The following TMEM87A variants were observed in gnomAD, a reference collection of about 807,000 sequenced individuals.
TMEM87A encodes the protein transmembrane protein 87A, also known as Golgi-pH regulating cation channel.
Under a neutral mutation model 90.0 loss-of-function variants are expected in TMEM87A, and 50 were observed. That is an observed-to-expected ratio of 0.56 (90% CI 0.44 to 0.70). TMEM87A has a LOEUF of 0.70. TMEM87A is among the 30% of genes least tolerant of loss of function. TMEM87A has a pLI of 0.00. For missense variants in TMEM87A, 577 were observed against 660.5 expected (o/e 0.87, Z 1.39); for synonymous variants, 226 against 226.7 (o/e 1.00, Z 0.03).
intron 14 of TMEM87A, 95 bp from the exon 15 acceptor site, chr15:42,227,004 C>G: frequency 8.2e-7 from 1 of 1,213,992 alleles, no homozygotes; most frequent in Non-Finnish European, 1.2e-6. Context: ...CTTATTTGTT[C>G]ATTCAAGTTA....
At chr15:42,269,486 T>C (rs192526326) in intron 2 of TMEM87A, among the ~76,000 whole-genome samples, 1 of 152,282 alleles carries the variant, frequency 6.6e-6, no homozygotes, top group Non-Finnish European at 1.5e-5. Flanking sequence ...AATTGGGCTA[T>C]GAACTATTCA....
intron 6 of TMEM87A, chr15:42,258,558 CTTGG>C: frequency 2.7e-6 from 1 of 375,402 alleles, no homozygotes; most frequent in Non-Finnish European, 3.8e-6. Flanking sequence ...TCCTGAGTAG[CTTGG>C]ATTACAGGTG....
chr15:42,237,562 T>C lies in TMEM87A; in HGVS notation c.738A>G (p.Ala246=). 3 of 1,613,984 alleles carry C rather than the reference T, an allele frequency of 1.9e-6. No homozygotes were observed. Among genetic ancestry groups the C allele is most frequent in the Non-Finnish European group, 2.5e-6 (3 of 1,179,984 alleles). The stretch of plus-strand genomic sequence containing the variant: ...GATCTCTCCAGTAGCAGGCAGACCA[T>C]GCCAGCCACAGAACACCAAACAGGA... ...VYVLFGVLWL[A]WSACYWRDLL... Residue 246 remains alanine (A), a synonymous_variant, in exon 9 of 20, where the codon GCA becomes GCG. Coordinates refer to ENST00000389834, the MANE Select transcript of TMEM87A (RefSeq NM_015497.5).
chr15:42,237,663 G>A lies in TMEM87A; in HGVS notation c.685-48C>T, dbSNP rs774817474. The A allele has an allele frequency of 4.2e-6, 6 of 1,415,672 alleles. No individual in the cohort carries two copies. The East Asian group carries it at 1.6e-4, about 37-fold the overall frequency. 87.7% of individuals were successfully genotyped at this position (1,415,672 alleles called of 1,614,324 possible). The stretch of plus-strand genomic sequence containing the variant: ...ATAAAAAGGAGAATTAGGGCCAAGA[G>A]CCAAGTCTGTAGATTTAGAATCAAT... On this transcript the variant is annotated intron_variant, in intron 8 of 19. Transcript: ENST00000389834.
intron 16 of TMEM87A, 103 bp downstream of exon 16, chr15:42,219,959 T>C (rs958291330): frequency 2.3e-5 from 26 of 1,127,910 alleles, no homozygotes; most frequent in Non-Finnish European, 3.1e-5. Flanking sequence ...CCTGACTTCA[T>C]CCCACACCAA....
intron 4 of TMEM87A, among the ~76,000 whole-genome samples, chr15:42,263,469 G>A (rs1034537051): frequency 6.6e-6 from 1 of 152,176 alleles, no homozygotes; most frequent in Non-Finnish European, 1.5e-5. Context: ...ATGGGGCTCA[G>A]CCCGGTGGCT....
intron 19 of TMEM87A, among the ~76,000 whole-genome samples, chr15:42,217,401 G>A (rs893551820): frequency 3.9e-5 from 6 of 152,090 alleles, no homozygotes; most frequent in African/African-American, 1.4e-4. Flanking sequence ...TTAAATAGTA[G>A]GTAACAATTT....
intron 8 of TMEM87A, among the ~76,000 whole-genome samples, chr15:42,237,862 T>C (rs1463557444): frequency 6.6e-6 from 1 of 152,190 alleles, no homozygotes; most frequent in African/African-American, 2.4e-5. Flanking sequence ...GTTACAAAAA[T>C]ATATTCTACC....
At chr15:42,265,145 T>C (rs987646797) in intron 3 of TMEM87A, among the ~76,000 whole-genome samples, 1 of 152,218 alleles carries the variant, frequency 6.6e-6, no homozygotes, top group Non-Finnish European at 1.5e-5. Flanking sequence ...GTCTTTGCTA[T>C]TGTAAACAGT....
At chr15:42,253,093 C>A (rs942451240) in intron 6 of TMEM87A, among the ~76,000 whole-genome samples, 8 of 152,178 alleles carry the variant, frequency 5.3e-5, no homozygotes, top group African/African-American at 1.9e-4. Context: ...TTCTTAAACA[C>A]CAGGAGCCAA....
rs747668054 is a variant in TMEM87A, at chr15:42,226,927, A to G, written c.1300-18T>C. ...CGCCAGTCCTACAATACAGGGGAGA[A>G]GTACAACATTTATACACATTATCTT... On this transcript the variant is annotated intron_variant, in intron 14 of 19. Transcript: ENST00000389834. 6.2e-6 allele frequency: 10 copies of G among 1,609,182 alleles called. No individual in the cohort carries two copies. The highest frequency in any genetic ancestry group is 3.3e-5 in the Admixed American group (2 of 59,994).
intron 6 of TMEM87A, among the ~76,000 whole-genome samples, chr15:42,248,590 G>A (rs1413243681): frequency 6.6e-6 from 1 of 152,120 alleles, no homozygotes; most frequent in Non-Finnish European, 1.5e-5. Flanking sequence ...TACGTTTATT[G>A]ATTTGCATAT....
At chr15:42,255,421 C>G (rs751928011) in intron 6 of TMEM87A, among the ~76,000 whole-genome samples, 3 of 151,988 alleles carry the variant, frequency 2.0e-5, no homozygotes, top group African/African-American at 4.8e-5. Context: ...TGTGAGCCAC[C>G]GCACCCGGCC....
intron 14 of TMEM87A, 94 bp from the exon 15 acceptor site, chr15:42,227,003 T>C: frequency 2.5e-6 from 3 of 1,215,892 alleles, no homozygotes; most frequent in Non-Finnish European, 3.6e-6. Context: ...ACTTATTTGT[T>C]CATTCAAGTT....
chr15:42,255,553 G>A (rs935926187), intron 6 of TMEM87A, among the ~76,000 whole-genome samples: 7 of 151,974 alleles, frequency 4.6e-5, no homozygotes, highest in African/African-American at 1.7e-4. Flanking sequence ...ATAAGCCACT[G>A]CACTGCCCTC....
intron 6 of TMEM87A, among the ~76,000 whole-genome samples, chr15:42,247,461 A>C (rs192854384): frequency 1.9e-3 from 283 of 152,202 alleles, no homozygotes; most frequent in African/African-American, 6.4e-3. Flanking sequence ...ATTAATTTTT[A>C]TATGAGGTGT....
intron 1 of TMEM87A, 186 bp downstream of exon 1, chr15:42,273,069 C>G: frequency 1.4e-6 from 1 of 723,924 alleles, no homozygotes; most frequent in East Asian, 2.7e-5. Flanking sequence ...TCCCGCTAGC[C>G]TAATCACAGA....
At chr15:42,229,119 C>T (rs2050644927) in intron 12 of TMEM87A, among the ~76,000 whole-genome samples, 1 of 152,126 alleles carries the variant, frequency 6.6e-6, no homozygotes, top group Non-Finnish European at 1.5e-5. Context: ...CCTCCCACCT[C>T]AGCCTCCCAA....
At position 42,268,022 on chromosome 15, in the gene TMEM87A, T is replaced by C. The variant is rs754483991; in HGVS notation, c.216A>G (p.Glu72=). The change falls in exon 3 of 20, where the codon GAA becomes GAG. Residue 72 remains glutamate (E), a synonymous_variant. Coordinates refer to ENST00000389834, the MANE Select transcript of TMEM87A (RefSeq NM_015497.5). ...TTATATTCAAAGACAGGTCACAAGGTTCTCCATCAACTACAAAAGAAGAAA... is the reference window on the plus strand; with the variant it reads ...TTATATTCAAAGACAGGTCACAAGGCTCTCCATCAACTACAAAAGAAGAAA... ...NTTIFLKFDG[E]PCDLSLNITW... is the part of the protein sequence containing the mutation. The C allele has an allele frequency of 6.8e-6, 11 of 1,612,034 alleles. No individual in the cohort carries two copies. Among genetic ancestry groups the C allele is most frequent in the South Asian group, 2.2e-5 (2 of 90,700 alleles).
Sources: gnomAD v4.1 joint callset for allele counts (sites outside exome capture counted in the v4.1 genomes callset) on GRCh38, gnomAD v4.1.1 for gene constraint, MANE v1.5 for transcripts, NCBI Gene and HGNC (gene_info 2026-07-23, HGNC 2026-07-21) for gene names.